Variants in COX10 observed in about 807,000 individuals in gnomAD.
COX10 encodes protoheme IX farnesyltransferase, mitochondrial.
A neutral mutation model predicts 37.3 loss-of-function variants in COX10; 27 were observed. That is an observed-to-expected ratio of 0.72 (90% CI 0.53 to 1.00). The LOEUF (loss-of-function observed/expected upper bound fraction) is 1.00. COX10 is among the 50% of genes least tolerant of loss of function. The pLI is 0.00. For synonymous variants in COX10, 222 were observed against 229.1 expected (o/e 0.97, Z 0.28); for missense variants, 475 against 563.2 (o/e 0.84, Z 1.59).
chr17:14,121,226 T>A (rs1916221844), intron 4 of COX10, among the ~76,000 whole-genome samples: 2 of 152,208 alleles, frequency 1.3e-5, no homozygotes, highest in Non-Finnish European at 2.9e-5. Flanking sequence ...ATGATCTGAA[T>A]TTTGTGAGTA....
chr17:14,199,099 G>T (rs75031196), intron 6 of COX10, among the ~76,000 whole-genome samples: 1 of 151,636 alleles, frequency 6.6e-6, no homozygotes, highest in Admixed American at 6.6e-5. Flanking sequence ...ACGAAAGAAC[G>T]TACTAGAAAT....
At chr17:14,070,004 G>A (rs1003794153) in intron 1 of COX10, among the ~76,000 whole-genome samples, 5 of 152,216 alleles carry the variant, frequency 3.3e-5, no homozygotes, top group Non-Finnish European at 5.9e-5. Context: ...TCTAGCCACT[G>A]GCTTGCAATG....
intron 3 of COX10, among the ~76,000 whole-genome samples, chr17:14,083,455 A>T (rs1311494786): frequency 6.6e-6 from 1 of 152,232 alleles, no homozygotes; most frequent in East Asian, 1.9e-4. Context: ...AGGCAGAAAT[A>T]TCTGGGAGTC....
chr17:14,096,741 G>A (rs1180702789), intron 3 of COX10, among the ~76,000 whole-genome samples: 1 of 152,130 alleles, frequency 6.6e-6, no homozygotes, highest in African/African-American at 2.4e-5. Flanking sequence ...TATTCCTGGA[G>A]AAGGCAGAGG....
At chr17:14,092,244 A>G (rs1467419996) in intron 3 of COX10, among the ~76,000 whole-genome samples, 1 of 152,118 alleles carries the variant, frequency 6.6e-6, no homozygotes, top group East Asian at 1.9e-4. Flanking sequence ...TCTGAATGCT[A>G]ATTGTAAATG....
intron 4 of COX10, among the ~76,000 whole-genome samples, chr17:14,119,132 T>A (rs1397693863): frequency 6.6e-6 from 1 of 152,168 alleles, no homozygotes; most frequent in Non-Finnish European, 1.5e-5. Flanking sequence ...GTCGCAGTAT[T>A]TGCTCATATG....
At chr17:14,079,886 A>G (rs1476788052) in intron 3 of COX10, among the ~76,000 whole-genome samples, 2 of 151,864 alleles carry the variant, frequency 1.3e-5, no homozygotes, top group Non-Finnish European at 2.9e-5. Flanking sequence ...GTATACACAC[A>G]CACACAGTTT....
At chr17:14,201,296 TC>T (rs1726113345) in intron 6 of COX10, among the ~76,000 whole-genome samples, 1 of 152,230 alleles carries the variant, frequency 6.6e-6, no homozygotes, top group South Asian at 2.1e-4. Flanking sequence ...TAATTTGTTT[TC>T]ATCTTTTATA....
intron 6 of COX10, among the ~76,000 whole-genome samples, chr17:14,200,151 T>A (rs771488433): frequency 3.3e-5 from 5 of 152,234 alleles, no homozygotes; most frequent in East Asian, 3.9e-4. Context: ...CCGAAACCGA[T>A]GAACTCCATT....
intron 4 of COX10, among the ~76,000 whole-genome samples, chr17:14,155,222 G>T (rs1436153335): frequency 6.6e-6 from 1 of 151,572 alleles, no homozygotes; most frequent in African/African-American, 2.4e-5. Context: ...TTATAGAGAA[G>T]TTGTATGTTT....
intron 4 of COX10, among the ~76,000 whole-genome samples, chr17:14,151,832 G>A (rs957394003): frequency 6.6e-6 from 1 of 152,054 alleles, no homozygotes; most frequent in South Asian, 2.1e-4. Flanking sequence ...AAAGAATATG[G>A]ACTCTAACAG....
intron 5 of COX10, among the ~76,000 whole-genome samples, chr17:14,167,757 T>A (rs1426470826): frequency 6.6e-6 from 1 of 152,164 alleles, no homozygotes; most frequent in Non-Finnish European, 1.5e-5. Flanking sequence ...CTCCCTATCA[T>A]GAGAACAGCA....
At chr17:14,115,310 A>G (rs1432983987) in intron 4 of COX10, among the ~76,000 whole-genome samples, 22 of 152,206 alleles carry the variant, frequency 1.4e-4, no homozygotes, top group Admixed American at 1.4e-3. Flanking sequence ...AGCTTATAAT[A>G]AAACAAGTTG....
At chr17:14,189,495 T>C (rs1470859976) in intron 5 of COX10, among the ~76,000 whole-genome samples, 3 of 152,242 alleles carry the variant, frequency 2.0e-5, no homozygotes, top group African/African-American at 4.8e-5. Context: ...TATTCTTCCA[T>C]CCAAGTGTTA....
chr17:14,073,619 A>C (rs1915079071), intron 1 of COX10, among the ~76,000 whole-genome samples: 1 of 152,212 alleles, frequency 6.6e-6, no homozygotes, highest in Non-Finnish European at 1.5e-5. Flanking sequence ...GGTGGCATAC[A>C]TAGCAAGAAT....
chr17:14,190,304 T>TG (rs2142262047), intron 5 of COX10, among the ~76,000 whole-genome samples: 1 of 152,332 alleles, frequency 6.6e-6, no homozygotes, highest in Non-Finnish European at 1.5e-5. Flanking sequence ...AGTAGGTTAT[T>TG]GAGCAGATCC....
rs570064362 is a variant in COX10 at position 14,124,089 on chromosome 17, T to C, written c.624+21847T>C. 4.6e-5 allele frequency among the ~76,000 whole-genome samples: 7 copies of C among 152,268 alleles called. 1 individual carries two copies. The highest frequency in any genetic ancestry group is 1.7e-4 in the African/African-American group (7 of 41,570). ...TCACTCCTGTCAAGGTGACTGTGGG[T>C]CTCTAAAGAATAAATCAGGTTGCCT... On this transcript the variant is annotated intron_variant, in intron 4 of 6. Coordinates refer to ENST00000261643, the MANE Select transcript of COX10 (RefSeq NM_001303.4).
intron 1 of COX10, among the ~76,000 whole-genome samples, chr17:14,073,632 A>G (rs575057115): frequency 6.6e-6 from 1 of 152,346 alleles, no homozygotes; most frequent in East Asian, 1.9e-4. Flanking sequence ...GCAAGAATAG[A>G]CACCATCTGC....
intron 4 of COX10, among the ~76,000 whole-genome samples, chr17:14,139,160 A>G (rs1393431805): frequency 1.3e-5 from 2 of 152,296 alleles, no homozygotes; most frequent in East Asian, 3.9e-4. Flanking sequence ...ATTGTTCTTG[A>G]TTTTTATAAA....
Sources: gnomAD v4.1 joint callset for allele counts (sites outside exome capture counted in the v4.1 genomes callset) on GRCh38, gnomAD v4.1.1 for gene constraint, MANE v1.5 for transcripts, NCBI Gene and HGNC (gene_info 2026-07-23, HGNC 2026-07-21) for gene names.